The following ABTB2 variants were observed in gnomAD, a reference collection of about 807,000 sequenced individuals.
ABTB2 encodes ankyrin repeat and BTB/POZ domain-containing protein 2.
Under a neutral mutation model 104.1 loss-of-function variants are expected in ABTB2, and 56 were observed. The observed-to-expected ratio is 0.54, with a 90% CI of 0.43 to 0.67. The LOEUF (loss-of-function observed/expected upper bound fraction) is 0.67, where lower values mean the gene tolerates loss of function less well. Ranked by LOEUF, ABTB2 falls within the 30% of genes least tolerant of loss-of-function variation. The probability of loss-of-function intolerance (pLI) is 0.00; values close to 1 mark genes in which losing one functional copy is unlikely to be tolerated. For missense variants in ABTB2, 1,279 were observed against 1,407.7 expected (o/e 0.91, Z 1.46); for synonymous variants, 606 against 608.2 (o/e 1.00, Z 0.05).
At chr11:34,204,206 T>C (rs1470526867) in intron 2 of ABTB2, among the ~76,000 whole-genome samples, 1 of 152,172 alleles carries the variant, frequency 6.6e-6, no homozygotes, top group Non-Finnish European at 1.5e-5. Flanking sequence ...GTGAAATTAA[T>C]GAAACAGCCT....
intron 3 of ABTB2, among the ~76,000 whole-genome samples, chr11:34,193,254 G>A (rs1465709315): frequency 6.6e-6 from 1 of 152,230 alleles, no homozygotes; most frequent in Admixed American, 6.5e-5. Flanking sequence ...GACTAATTCT[G>A]TGTTTTAGAC....
intron 1 of ABTB2, among the ~76,000 whole-genome samples, chr11:34,339,982 G>C (rs911907282): frequency 8.5e-5 from 13 of 152,068 alleles, no homozygotes; most frequent in African/African-American, 3.1e-4. Flanking sequence ...GTACCAGAAT[G>C]ACAACTGCAC....
At position 34,303,736 on chromosome 11, in the gene ABTB2, G is replaced by T. The variant is rs189535094; in HGVS notation, c.883+52965C>A. Among the ~76,000 whole-genome samples, 176 of 148,268 alleles carry T rather than the reference G, an allele frequency of 1.2e-3. 2 individuals carry two copies. The highest frequency in any genetic ancestry group is 0.011 in the Admixed American group (157 of 14,484). ...CAGCTCACTGCAGCCTCTGTCTCCTGGGATCAAGCAATTTTCCTGCCTCAG... is the reference window on the plus strand; with the variant it reads ...CAGCTCACTGCAGCCTCTGTCTCCTTGGATCAAGCAATTTTCCTGCCTCAG... On this transcript the variant is annotated intron_variant, in intron 1 of 16. Coordinates refer to ENST00000435224, the MANE Select transcript of ABTB2 (RefSeq NM_145804.3).
intron 1 of ABTB2, among the ~76,000 whole-genome samples, chr11:34,313,576 G>T (rs1307634028): frequency 6.6e-6 from 1 of 152,226 alleles, no homozygotes; most frequent in African/African-American, 2.4e-5. Context: ...GGACAAGGAG[G>T]ATGTGCGGAG....
chr11:34,325,971 A>AAAATAAAATAAAATAAAATAAAAT (rs1855065755), intron 1 of ABTB2, among the ~76,000 whole-genome samples: 1 of 145,516 alleles, frequency 6.9e-6, no homozygotes, highest in East Asian at 2.0e-4. Context: ...AAAATAAAAT[A>AAAATAAAATAAAATAAAATAAAAT]AAATAAAATA....
chr11:34,288,076 C>A, intron 1 of ABTB2, among the ~76,000 whole-genome samples: 1 of 152,112 alleles, frequency 6.6e-6, no homozygotes, highest in East Asian at 1.9e-4. Flanking sequence ...TTTCTCTAGC[C>A]ATTATCTAAA....
intron 1 of ABTB2, among the ~76,000 whole-genome samples, chr11:34,221,939 G>A (rs955389729): frequency 5.3e-5 from 8 of 152,174 alleles, no homozygotes; most frequent in African/African-American, 1.9e-4. Flanking sequence ...TATCTACTTG[G>A]GAGGCTGAGG....
intron 1 of ABTB2, among the ~76,000 whole-genome samples, chr11:34,220,099 C>T (rs901865641): frequency 6.6e-6 from 1 of 152,224 alleles, no homozygotes; most frequent in African/African-American, 2.4e-5. Flanking sequence ...GGGAAGGAAG[C>T]TAGTTTATTG....
In ABTB2 at chr11:34,243,593, T is replaced by A. The variant is rs2755176; in HGVS notation, c.884-38903A>T. 3.3e-5 allele frequency among the ~76,000 whole-genome samples: 5 copies of A among 152,208 alleles called. No homozygotes were observed. In the East Asian group the frequency reaches 7.7e-4, roughly 23 times the overall value. On this transcript the variant is annotated intron_variant, in intron 1 of 16. Coordinates refer to ENST00000435224, the MANE Select transcript of ABTB2 (RefSeq NM_145804.3). ...CGCAAGGATAATCCTAGAAAATATG[T>A]CCTAGTCTTACGCGATTTTACAGAT...
Position 34,284,351 on chromosome 11 carries a change from G to T in ABTB2, c.883+72350C>A, listed in dbSNP as rs73497337. Among the ~76,000 whole-genome samples, 165 of 152,300 alleles carry T rather than the reference G, an allele frequency of 1.1e-3. 1 individual carries two copies. Among genetic ancestry groups the T allele is most frequent in the African/African-American group, 3.8e-3 (159 of 41,562 alleles). ...CCCTAAAGGATTTGGATGATTTAATGTTCTTATCAAAATGGGCCATTTGCC... is the reference window on the plus strand; with the variant it reads ...CCCTAAAGGATTTGGATGATTTAATTTTCTTATCAAAATGGGCCATTTGCC... On this transcript the variant is annotated intron_variant, in intron 1 of 16. Coordinates refer to ENST00000435224, the MANE Select transcript of ABTB2 (RefSeq NM_145804.3).
At chr11:34,299,410 CT>C (rs1231637619) in intron 1 of ABTB2, among the ~76,000 whole-genome samples, 2 of 152,306 alleles carry the variant, frequency 1.3e-5, no homozygotes, top group East Asian at 3.9e-4. Flanking sequence ...AAGCCAAGAT[CT>C]CCAAGGGTAT....
chr11:34,197,467 G>C lies in ABTB2; in HGVS notation c.1102C>G (p.Arg368Gly). Reference protein sequence around the residue: ...HPLCPGASPARQARQPPQPIT... With the variant: ...HPLCPGASPAGQARQPPQPIT... ...GGCTGTGGCGGCTGGCGGGCCTGGC[G>C]GGCAGGGCTGGCACCCGGGCACAGG... Residue 368 changes from arginine (R) to glycine (G), a missense_variant, in exon 3 of 17, where the codon CGC (arginine) becomes GGC (glycine). Arg to Gly is a moderately radical substitution (Grantham distance 125). Transcript: ENST00000435224. 6.3e-7 allele frequency: 1 copy of C among 1,588,604 alleles called. No individual in the cohort carries two copies. Among genetic ancestry groups the C allele is most frequent in the Non-Finnish European group, 8.6e-7 (1 of 1,167,884 alleles).
At chr11:34,315,595 C>G (rs1201379454) in intron 1 of ABTB2, among the ~76,000 whole-genome samples, 1 of 152,206 alleles carries the variant, frequency 6.6e-6, no homozygotes, top group African/African-American at 2.4e-5. Context: ...CAGTGCCTGT[C>G]TCCTCCATCC....
chr11:34,170,657 G>C (rs1351544582), intron 5 of ABTB2, among the ~76,000 whole-genome samples: 1 of 152,226 alleles, frequency 6.6e-6, no homozygotes, highest in Non-Finnish European at 1.5e-5. Context: ...TGCACCACCT[G>C]AAACAGTGGC....
At chr11:34,255,812 C>T (rs11032583) in intron 1 of ABTB2, among the ~76,000 whole-genome samples, 9,007 of 152,114 alleles carry the variant, frequency 0.059, 348 homozygotes, top group South Asian at 0.095. Context: ...CCACCAGGCC[C>T]GCCCAGAAAT....
rs554207195 is a variant in ABTB2, at chr11:34,183,379, C to T, written c.1245-10072G>A. Among the ~76,000 whole-genome samples the T allele has an allele frequency of 2.4e-4, 37 of 152,322 alleles. 1 individual carries two copies. In the South Asian group the frequency reaches 6.6e-3, roughly 27 times the overall value. ...CATCCCAAAGTGCTGGGATGGCAGG[C>T]GTGAGCCACCGTGCCCAGCTGGATG... On this transcript the variant is annotated intron_variant, in intron 3 of 16. Coordinates refer to ENST00000435224, the MANE Select transcript of ABTB2 (RefSeq NM_145804.3).
At position 34,154,511 on chromosome 11, in the gene ABTB2, C is replaced by T. The variant is rs546963972; in HGVS notation, c.2767-133G>A. On this transcript the variant is annotated intron_variant, in intron 15 of 16. Coordinates refer to ENST00000435224, the MANE Select transcript of ABTB2 (RefSeq NM_145804.3). The surrounding 1 kb of genome is among the most constrained non-coding windows in gnomAD (Gnocchi z 4.9). ...CAGGCCCCACTACCTTCTGATACTC[C>T]TGGGCCTAACCATCCCCGCTGGGAC... The T allele has an allele frequency of 5.9e-6, 5 of 846,124 alleles. No homozygotes were observed. Among genetic ancestry groups the T allele is most frequent in the Non-Finnish European group, 9.4e-6 (5 of 529,714 alleles). 52.4% of individuals were successfully genotyped at this position (846,124 alleles called of 1,614,324 possible). A position where few individuals can be genotyped will look rare whatever the true frequency, so the allele number is the denominator to read the frequency against.
intron 2 of ABTB2, among the ~76,000 whole-genome samples, chr11:34,200,502 T>C (rs1347930333): frequency 6.6e-6 from 1 of 152,152 alleles, no homozygotes; most frequent in East Asian, 1.9e-4. Context: ...GAAAGACAAA[T>C]GGCTGCAGAG....
intron 3 of ABTB2, among the ~76,000 whole-genome samples, chr11:34,185,036 G>T (rs1044791585): frequency 3.3e-5 from 5 of 152,354 alleles, no homozygotes; most frequent in South Asian, 2.1e-4. Flanking sequence ...GCTGAGCTGT[G>T]GGCCAGGGTT....
Sources: allele counts gnomAD v4.1 joint callset (sites outside exome capture counted in the v4.1 genomes callset), GRCh38; gene constraint gnomAD v4.1.1; non-coding constraint Gnocchi (gnomAD v3.1); transcripts MANE v1.5; gene names NCBI Gene and HGNC (gene_info 2026-07-23, HGNC 2026-07-21).